Variants in CHD2 observed in about 807,000 individuals in gnomAD.
CHD2 encodes the protein chromodomain helicase DNA binding protein 2, also known as ATP-dependent chromatin remodeler CHD2.
Under a neutral mutation model 243.9 loss-of-function variants are expected in CHD2, and 28 were observed. The observed-to-expected ratio is 0.11, with a 90% CI of 0.09 to 0.16. The LOEUF (loss-of-function observed/expected upper bound fraction) is 0.16, where lower values mean the gene tolerates loss of function less well. CHD2 is among the 10% of genes least tolerant of loss of function. CHD2 has a pLI of 1.00. For synonymous variants in CHD2, 775 were observed against 779.0 expected, an observed-to-expected ratio of 0.99 and a Z score of 0.09; for missense variants, 1,386 against 2,209.8, an observed-to-expected ratio of 0.63 and a Z score of 7.47.
At chr15:92,934,594 A>T (rs1281805243) in intron 5 of CHD2, among the ~76,000 whole-genome samples, 1 of 152,230 alleles carries the variant, frequency 6.6e-6, no homozygotes, top group Non-Finnish European at 1.5e-5. Flanking sequence ...GAGGCCAGTA[A>T]TGTAGGAGAG....
rs376162618 is a variant in CHD2 at position 92,937,667 on chromosome 15, T to C, written c.551+42T>C. On this transcript the variant is annotated intron_variant, in intron 6 of 38. Coordinates refer to ENST00000394196, the MANE Select transcript of CHD2 (RefSeq NM_001271.4). ...AGATCTCTACTTGGGATGAGCTTAATCTGCTGTAGATTGGGAAGGATAATG... is the reference window on the plus strand; with the variant it reads ...AGATCTCTACTTGGGATGAGCTTAACCTGCTGTAGATTGGGAAGGATAATG... 1.4e-5 allele frequency: 20 copies of C among 1,397,086 alleles called. No individual in the cohort carries two copies. In the African/African-American group the frequency reaches 2.7e-4, roughly 19 times the overall value. 86.5% of individuals were successfully genotyped at this position (1,397,086 alleles called of 1,614,324 possible).
chr15:92,992,613 T>C (rs920682220), intron 27 of CHD2, among the ~76,000 whole-genome samples: 7 of 152,218 alleles, frequency 4.6e-5, no homozygotes, highest in Admixed American at 3.9e-4. Flanking sequence ...TTCTTTCCTC[T>C]CTGTTTTTTG....
Position 93,024,381 on chromosome 15 carries a change from T to C in CHD2, c.5163T>C (p.His1721=). 6.2e-7 allele frequency: 1 copy of C among 1,612,652 alleles called. No individual in the cohort carries two copies. The highest frequency in any genetic ancestry group is 8.5e-7 in the Non-Finnish European group (1 of 1,178,968). Reference sequence around the variant, plus strand: ...TGCATCTCTATTTCAGGCACCATCATGACTCCAAGCGGAGGAGATCCGATG... The same window carrying C: ...TGCATCTCTATTTCAGGCACCATCACGACTCCAAGCGGAGGAGATCCGATG... The part of the protein sequence containing the change: ...GHRDYYDRHH[H]DSKRRRSDEF... The change falls in exon 39 of 39, where the codon CAT becomes CAC. Residue 1721 remains histidine, a synonymous_variant. Coordinates refer to ENST00000394196, the MANE Select transcript of CHD2 (RefSeq NM_001271.4).
At chr15:92,911,549 C>A (rs1279034443) in intron 2 of CHD2, among the ~76,000 whole-genome samples, 3 of 152,058 alleles carry the variant, frequency 2.0e-5, no homozygotes, top group African/African-American at 7.2e-5. Context: ...ACCAGCCTGG[C>A]CAACATGGTG....
chr15:92,931,527 G>A (rs1273019441), intron 5 of CHD2, among the ~76,000 whole-genome samples: 2 of 151,980 alleles, frequency 1.3e-5, no homozygotes, highest in Non-Finnish European at 2.9e-5. Flanking sequence ...CGACAGGCGT[G>A]CACCACCATG....
chr15:92,988,219 A>G (rs2054070419), intron 26 of CHD2, among the ~76,000 whole-genome samples: 1 of 151,982 alleles, frequency 6.6e-6, no homozygotes, highest in Non-Finnish European at 1.5e-5. Context: ...AGTAGCTGAG[A>G]TTACTGGCTC....
chr15:92,948,833 C>T (rs1429769874), intron 12 of CHD2, 119 bp from the exon 13 acceptor site: 76 of 1,135,350 alleles, frequency 6.7e-5, no homozygotes, highest in Middle Eastern at 2.0e-4. Context: ...AGCAAGACTC[C>T]GTCTCAAAAA....
At chr15:92,914,700 C>G (rs954785498) in intron 2 of CHD2, among the ~76,000 whole-genome samples, 9 of 152,122 alleles carry the variant, frequency 5.9e-5, no homozygotes, top group Admixed American at 2.0e-4. Context: ...TATACATGTA[C>G]CTTTTTCTGC....
intron 2 of CHD2, chr15:92,904,585 A>C: frequency 9.6e-7 from 1 of 1,038,342 alleles, no homozygotes; most frequent in Non-Finnish European, 1.2e-6. Context: ...CCTTGCCTGT[A>C]GCGGTCCGCA....
rs2141873650 is a variant in CHD2, at chr15:93,002,206, A to G, written c.4167A>G (p.Lys1389=). The G allele has an allele frequency of 6.3e-7, 1 of 1,595,634 alleles. No individual in the cohort carries two copies. Among genetic ancestry groups the G allele is most frequent in the South Asian group, 1.2e-5 (1 of 86,388 alleles). Residue 1389 remains lysine, a synonymous_variant, in exon 33 of 39, where the codon AAA becomes AAG. Transcript: ENST00000394196. The stretch of plus-strand genomic sequence containing the variant: ...ATGGCTTGGAAAAAAGTCCAATGAA[A>G]AAAAAACAGAAGAAGAAAGAGAACA... ...KDDGLEKSPM[K]KKQKKKENKE...
chr15:92,949,625 GA>G (rs1278403945), intron 13 of CHD2, among the ~76,000 whole-genome samples: 3 of 151,972 alleles, frequency 2.0e-5, no homozygotes, highest in Non-Finnish European at 4.4e-5. Context: ...TTGGGGGGGT[GA>G]AAAAAAGATG....
intron 13 of CHD2, among the ~76,000 whole-genome samples, chr15:92,952,792 A>G (rs1378498017): frequency 1.3e-5 from 2 of 152,118 alleles, no homozygotes; most frequent in East Asian, 1.9e-4. Flanking sequence ...TTTTCCATAT[A>G]TTGTTTAGTA....
At chr15:92,955,541 T>A in intron 15 of CHD2, 29 bp downstream of exon 15, 1 of 1,427,566 alleles carries the variant, frequency 7.0e-7, no homozygotes, top group Non-Finnish European at 9.7e-7. Flanking sequence ...AAAGGCTAAA[T>A]CTTTTCCAGT....
intron 2 of CHD2, 80 bp downstream of exon 2, chr15:92,901,379 A>AATC: frequency 2.4e-6 from 2 of 819,962 alleles, no homozygotes; most frequent in Non-Finnish European, 4.1e-6. Context: ...ACCTTGACAG[A>AATC]CATGGATTGC....
rs760422132 is a variant in CHD2, at chr15:93,002,299, A to G, written c.4260A>G (p.Ser1420=). Residue 1420 remains serine (S), a synonymous_variant, in exon 33 of 39, where the codon TCA becomes TCG. Coordinates refer to ENST00000394196, the MANE Select transcript of CHD2 (RefSeq NM_001271.4). ...DKEGDKERKK[S]KDKKEKPKSG... is the part of the protein sequence containing the mutation. Reference sequence around the variant, plus strand: ...AAGGGGACAAGGAAAGAAAGAAGTCAAAAGATAAGAAAGAGAAGGTAATGA... The same window carrying G: ...AAGGGGACAAGGAAAGAAAGAAGTCGAAAGATAAGAAAGAGAAGGTAATGA... The G allele has an allele frequency of 3.2e-5, 51 of 1,597,072 alleles. No homozygotes were observed. Among genetic ancestry groups the G allele is most frequent in the East Asian group, 1.1e-4 (5 of 44,720 alleles).
chr15:93,016,414 A>G (rs2054460882), intron 37 of CHD2, among the ~76,000 whole-genome samples: 1 of 152,216 alleles, frequency 6.6e-6, no homozygotes, highest in African/African-American at 2.4e-5. Context: ...TATGAGGAAT[A>G]AGTTGAGAAA....
In CHD2 at chr15:92,990,392, C is replaced by T. The variant is rs577638486; in HGVS notation, c.3414-1084C>T. 1.9e-3 allele frequency among the ~76,000 whole-genome samples: 292 copies of T among 152,284 alleles called. 1 individual carries two copies. Among genetic ancestry groups the T allele is most frequent in the African/African-American group, 6.7e-3 (278 of 41,556 alleles). On this transcript the variant is annotated intron_variant, in intron 26 of 38. Coordinates refer to ENST00000394196, the MANE Select transcript of CHD2 (RefSeq NM_001271.4). ...TGAATAAATTTCTTAGATGGCTGCA[C>T]GCATTTGGTTAATTTCCAGAGTTGT...
chr15:92,940,404 G>A (rs1457521919), intron 7 of CHD2, among the ~76,000 whole-genome samples: 1 of 152,024 alleles, frequency 6.6e-6, no homozygotes, highest in African/African-American at 2.4e-5. Flanking sequence ...TTGAGATCAC[G>A]CCACTGCACT....
chr15:92,930,299 A>ATGG (rs1385682006), intron 5 of CHD2, among the ~76,000 whole-genome samples: 1 of 152,154 alleles, frequency 6.6e-6, no homozygotes, highest in Non-Finnish European at 1.5e-5. Context: ...TGCAAGTTAA[A>ATGG]TGGTGCTATG....
Sources: allele counts gnomAD v4.1 joint callset (sites outside exome capture counted in the v4.1 genomes callset), GRCh38; gene constraint gnomAD v4.1.1; transcripts MANE v1.5; gene names NCBI Gene and HGNC (gene_info 2026-07-23, HGNC 2026-07-21).